The following FBXW7 variants were observed in gnomAD, a reference collection of about 807,000 sequenced individuals.
FBXW7 encodes the protein F-box/WD repeat-containing protein 7.
A neutral mutation model predicts 86.3 loss-of-function variants in FBXW7; 11 were observed. The observed-to-expected ratio is 0.13, with a 90% CI of 0.08 to 0.21. The LOEUF (loss-of-function observed/expected upper bound fraction) is 0.21, where lower values mean the gene tolerates loss of function less well. FBXW7 is among the 10% of genes least tolerant of loss of function. The pLI, the probability that FBXW7 is intolerant of heterozygous loss-of-function variation, is 1.00. For synonymous variants in FBXW7, 313 were observed against 297.9 expected, an observed-to-expected ratio of 1.05 and a Z score of -0.52; for missense variants, 488 against 847.4, an observed-to-expected ratio of 0.58 and a Z score of 5.27.
intron 2 of FBXW7, among the ~76,000 whole-genome samples, chr4:152,420,796 T>A (rs1442003091): frequency 6.6e-6 from 1 of 152,074 alleles, no homozygotes; most frequent in Non-Finnish European, 1.5e-5. Flanking sequence ...TGTGCTGTCA[T>A]CCAGGCTCTG....
intron 2 of FBXW7, among the ~76,000 whole-genome samples, chr4:152,441,131 T>C (rs1001645506): frequency 3.3e-5 from 5 of 152,204 alleles, no homozygotes; most frequent in African/African-American, 1.2e-4. Context: ...CTCGAACTTA[T>C]ATGGCTAAGT....
At chr4:152,438,948 A>G (rs1352814582) in intron 2 of FBXW7, among the ~76,000 whole-genome samples, 1 of 152,250 alleles carries the variant, frequency 6.6e-6, no homozygotes, top group African/African-American at 2.4e-5. Context: ...ACATTAGTTC[A>G]TTCATTCATC....
chr4:152,524,550 T>G (rs563124512), intron 2 of FBXW7, among the ~76,000 whole-genome samples: 1 of 152,282 alleles, frequency 6.6e-6, no homozygotes, highest in Non-Finnish European at 1.5e-5. Context: ...CTAATCATCA[T>G]TTCAAAGGGT....
intron 4 of FBXW7, among the ~76,000 whole-genome samples, chr4:152,392,518 C>T (rs912816749): frequency 3.3e-5 from 5 of 152,152 alleles, no homozygotes; most frequent in East Asian, 1.9e-4. Context: ...TAGACCCCCA[C>T]TTTTGCACCT....
At chr4:152,424,478 A>G (rs559242514) in intron 2 of FBXW7, among the ~76,000 whole-genome samples, 1 of 152,320 alleles carries the variant, frequency 6.6e-6, no homozygotes, top group African/African-American at 2.4e-5. Flanking sequence ...AACTCTCTTC[A>G]TCTCTTATCA....
chr4:152,404,084 G>A (rs1034519262), intron 4 of FBXW7, among the ~76,000 whole-genome samples: 2 of 152,136 alleles, frequency 1.3e-5, no homozygotes, highest in African/African-American at 4.8e-5. Flanking sequence ...GTTACACTAG[G>A]ACTTAAAGAG....
In FBXW7 at chr4:152,521,905, G is replaced by A. The variant is rs138998544; in HGVS notation, c.-120+13036C>T. On this transcript the variant is annotated intron_variant, in intron 2 of 13. Coordinates refer to ENST00000281708, the MANE Select transcript of FBXW7 (RefSeq NM_001349798.2). ...GCGATCTCAGCTCACTGCAACCTCC[G>A]TCTCCCTGGTTCAAGCGATTCTCCC... 8.2e-3 allele frequency among the ~76,000 whole-genome samples: 1,114 copies of A among 135,184 alleles called. 11 individuals are homozygous for A. The highest frequency in any genetic ancestry group is 0.03 in the African/African-American group (1,048 of 34,524). The allele number at this position is 135,184 out of a possible 152,430, so 88.7% of individuals were successfully genotyped here.
intron 4 of FBXW7, among the ~76,000 whole-genome samples, chr4:152,363,480 T>A (rs888363532): frequency 6.6e-6 from 1 of 152,166 alleles, no homozygotes; most frequent in Non-Finnish European, 1.5e-5. Flanking sequence ...TGACAATATA[T>A]ACAACTAGAA....
At chr4:152,353,273 G>A (rs1245657994) in intron 4 of FBXW7, among the ~76,000 whole-genome samples, 2 of 152,182 alleles carry the variant, frequency 1.3e-5, no homozygotes, top group Middle Eastern at 3.4e-3. Flanking sequence ...AGGCAATCCC[G>A]AAAAGAGAAA....
intron 9 of FBXW7, 94 bp downstream of exon 9, chr4:152,330,635 AGAG>A (rs2126531962): frequency 2.0e-6 from 2 of 1,009,604 alleles, no homozygotes; most frequent in South Asian, 6.0e-5. Context: ...TTTCTACAGA[AGAG>A]GAGTGTCATA....
intron 2 of FBXW7, among the ~76,000 whole-genome samples, chr4:152,446,432 A>G (rs1465381487): frequency 6.6e-6 from 1 of 152,036 alleles, no homozygotes; most frequent in Non-Finnish European, 1.5e-5. Context: ...AAGGTCAAGT[A>G]TTCTAATACT....
At chr4:152,363,165 T>C (rs1482459418) in intron 4 of FBXW7, among the ~76,000 whole-genome samples, 1 of 152,196 alleles carries the variant, frequency 6.6e-6, no homozygotes, top group Non-Finnish European at 1.5e-5. Flanking sequence ...TCCATTATAA[T>C]ATTATCAGTC....
At chr4:152,360,818 A>C (rs1274401757) in intron 4 of FBXW7, among the ~76,000 whole-genome samples, 2 of 146,264 alleles carry the variant, frequency 1.4e-5, no homozygotes. Flanking sequence ...GCCTAGAAAA[A>C]TATATTAAAA....
At chr4:152,400,917 C>T (rs896959812) in intron 4 of FBXW7, among the ~76,000 whole-genome samples, 2 of 152,180 alleles carry the variant, frequency 1.3e-5, no homozygotes, top group African/African-American at 4.8e-5. Flanking sequence ...AGGAGATTTA[C>T]AGATGGGAAG....
chr4:152,464,138 T>TTG (rs1219998300), intron 2 of FBXW7, among the ~76,000 whole-genome samples: 14 of 152,222 alleles, frequency 9.2e-5, no homozygotes, highest in African/African-American at 3.4e-4. Flanking sequence ...TTACTTACAC[T>TTG]TAAGAAAGCT....
At chr4:152,445,533 G>A (rs1295528114) in intron 2 of FBXW7, among the ~76,000 whole-genome samples, 2 of 152,182 alleles carry the variant, frequency 1.3e-5, no homozygotes, top group Admixed American at 6.5e-5. Context: ...AGGAGTTGTA[G>A]AACCTCTCTG....
At chr4:152,494,141 C>CA (rs757926963) in intron 2 of FBXW7, among the ~76,000 whole-genome samples, 18 of 149,656 alleles carry the variant, frequency 1.2e-4, no homozygotes, top group East Asian at 3.9e-4. Flanking sequence ...GTTAAACATA[C>CA]AAAAAAAAGG....
intron 2 of FBXW7, among the ~76,000 whole-genome samples, chr4:152,433,877 G>A (rs186172287): frequency 4.6e-5 from 7 of 152,168 alleles, no homozygotes; most frequent in South Asian, 4.1e-4. Context: ...ATTATTCCAC[G>A]CATCTTACAT....
chr4:152,468,699 C>T (rs1743671239), intron 2 of FBXW7, among the ~76,000 whole-genome samples: 1 of 152,062 alleles, frequency 6.6e-6, no homozygotes, highest in South Asian at 2.1e-4. Context: ...CTGAATTGTA[C>T]ACTTAGAGAT....
Sources: allele counts gnomAD v4.1 joint callset (sites outside exome capture counted in the v4.1 genomes callset), GRCh38; gene constraint gnomAD v4.1.1; transcripts MANE v1.5; gene names NCBI Gene and HGNC (gene_info 2026-07-23, HGNC 2026-07-21).